GPM6A: variants seen among roughly 807,000 people sequenced by gnomAD.
GPM6A encodes neuronal membrane glycoprotein M6-a.
Under a neutral mutation model 32.1 loss-of-function variants are expected in GPM6A, and 7 were observed. The ratio of observed to expected loss-of-function variants is 0.22; its 90% CI spans 0.12 to 0.41. The LOEUF (loss-of-function observed/expected upper bound fraction) is 0.41, where lower values mean the gene tolerates loss of function less well. Among genes scored for constraint, GPM6A ranks in the 10% least tolerant of loss-of-function variants. GPM6A has a pLI of 1.00. For missense variants in GPM6A, 235 were observed against 347.2 expected, an observed-to-expected ratio of 0.68 and a Z score of 2.57; for synonymous variants, 130 against 123.4, an observed-to-expected ratio of 1.05 and a Z score of -0.35.
intron 1 of GPM6A, among the ~76,000 whole-genome samples, chr4:175,912,847 A>G (rs1053554773): frequency 6.6e-6 from 1 of 152,216 alleles, no homozygotes; most frequent in African/African-American, 2.4e-5. Context: ...AGGCAAGAGC[A>G]TAATACCTGT....
chr4:175,812,068 AG>A, intron 1 of GPM6A, 122 bp downstream of exon 1: 1 of 699,276 alleles, frequency 1.4e-6, no homozygotes, highest in Non-Finnish European at 2.4e-6. Context: ...ACTAAAGGAG[AG>A]GAAGGAACAA....
intron 1 of GPM6A, among the ~76,000 whole-genome samples, chr4:175,742,361 A>G (rs958861444): frequency 6.6e-5 from 10 of 152,158 alleles, no homozygotes; most frequent in Admixed American, 6.6e-5. Flanking sequence ...TAAAATATAA[A>G]CTAATTACCC....
intron 1 of GPM6A, among the ~76,000 whole-genome samples, chr4:175,927,828 T>C (rs1440529839): frequency 2.0e-5 from 3 of 152,156 alleles, no homozygotes; most frequent in African/African-American, 7.2e-5. Flanking sequence ...GAGGTTGCAA[T>C]GAGCTGAGAT....
At chr4:175,878,175 C>G (rs1251555959) in intron 1 of GPM6A, among the ~76,000 whole-genome samples, 1 of 152,170 alleles carries the variant, frequency 6.6e-6, no homozygotes, top group African/African-American at 2.4e-5. Flanking sequence ...TTTTCATGGC[C>G]TGGTATTGAA....
chr4:175,931,698 A>ACG lies in GPM6A; in HGVS notation c.-23+70610_-23+70611insCG, dbSNP rs1458046641. Among the ~76,000 whole-genome samples the ACG allele has an allele frequency of 1.3e-3, 191 of 149,108 alleles. 2 individuals carry two copies. Among genetic ancestry groups the ACG allele is most frequent in the African/African-American group, 4.4e-3 (177 of 40,260 alleles). On this transcript the variant is annotated intron_variant, in intron 1 of 7. Coordinates refer to the GPM6A transcript ENST00000280187. ...CACACACACACACACACACACACAC[A>ACG]CACACACACACATATATATATATAT...
intron 1 of GPM6A, among the ~76,000 whole-genome samples, chr4:175,972,172 A>T (rs919722179): frequency 4.6e-5 from 7 of 152,208 alleles, no homozygotes; most frequent in East Asian, 1.9e-4. Context: ...AAATTTATTT[A>T]AAAAAGAAAA....
At chr4:175,681,450 C>A (rs1743683832) in intron 2 of GPM6A, among the ~76,000 whole-genome samples, 1 of 152,062 alleles carries the variant, frequency 6.6e-6, no homozygotes, top group Non-Finnish European at 1.5e-5. Context: ...CCTCTCTGCA[C>A]CCCATAATTT....
At chr4:175,735,898 A>G (rs1731640658) in intron 1 of GPM6A, among the ~76,000 whole-genome samples, 1 of 152,172 alleles carries the variant, frequency 6.6e-6, no homozygotes, top group Non-Finnish European at 1.5e-5. Flanking sequence ...TTTGGAAGAT[A>G]AATGTCATAT....
chr4:175,643,609 A>T (rs1160032699), intron 4 of GPM6A, among the ~76,000 whole-genome samples: 1 of 152,206 alleles, frequency 6.6e-6, no homozygotes, highest in Non-Finnish European at 1.5e-5. Flanking sequence ...GTAGTCAGAC[A>T]TGAGCAGAGC....
intron 1 of GPM6A, among the ~76,000 whole-genome samples, chr4:175,702,624 C>T (rs114411260): frequency 0.01 from 1,549 of 152,248 alleles, 14 homozygotes; most frequent in Middle Eastern, 0.02. Flanking sequence ...AAGAGATTCT[C>T]CTGCCTTAGC....
At chr4:175,647,385 G>T (rs751884144) in intron 4 of GPM6A, among the ~76,000 whole-genome samples, 10 of 152,126 alleles carry the variant, frequency 6.6e-5, no homozygotes, top group Admixed American at 5.2e-4. Context: ...GAGGATAACA[G>T]AAATCATAAT....
intron 1 of GPM6A, among the ~76,000 whole-genome samples, chr4:175,958,459 TG>T (rs1394698520): frequency 2.0e-5 from 3 of 152,210 alleles, no homozygotes; most frequent in Admixed American, 1.3e-4. Flanking sequence ...CCACTACCCT[TG>T]AGAACCATAA....
At chr4:175,867,896 T>G (rs1736790636) in intron 1 of GPM6A, among the ~76,000 whole-genome samples, 1 of 152,184 alleles carries the variant, frequency 6.6e-6, no homozygotes, top group Non-Finnish European at 1.5e-5. Flanking sequence ...AGTTTCTCCT[T>G]AGGAAATATC....
chr4:175,784,969 C>T (rs1483088296), intron 1 of GPM6A, among the ~76,000 whole-genome samples: 1 of 152,158 alleles, frequency 6.6e-6, no homozygotes, highest in East Asian at 1.9e-4. Flanking sequence ...GATCTCAATT[C>T]ATCCCCTTTC....
Position 175,745,822 on chromosome 4 carries a change from G to C in GPM6A, c.38-44055C>G, listed in dbSNP as rs573575435. 9.2e-5 allele frequency among the ~76,000 whole-genome samples: 14 copies of C among 152,274 alleles called. 1 individual carries two copies. In the South Asian group the frequency reaches 2.5e-3, roughly 27 times the overall value. ...AAAATGTTATCTGAGGCTGGAGAAGGAGATGGGGGTCAAGTTGGGAAGACT... is the reference window on the plus strand; with the variant it reads ...AAAATGTTATCTGAGGCTGGAGAAGCAGATGGGGGTCAAGTTGGGAAGACT... On this transcript the variant is annotated intron_variant, in intron 1 of 6. Coordinates refer to ENST00000393658, the MANE Select transcript of GPM6A (RefSeq NM_201591.3).
At chr4:175,686,168 G>T (rs1391449851) in intron 2 of GPM6A, among the ~76,000 whole-genome samples, 1 of 152,096 alleles carries the variant, frequency 6.6e-6, no homozygotes, top group Non-Finnish European at 1.5e-5. Flanking sequence ...GTTGTCACAG[G>T]CAGCAATTAT....
At chr4:175,993,611 T>C (rs1246227382) in intron 1 of GPM6A, among the ~76,000 whole-genome samples, 1 of 152,212 alleles carries the variant, frequency 6.6e-6, no homozygotes, top group Non-Finnish European at 1.5e-5. Context: ...CAATATTAAA[T>C]ACATTATACT....
chr4:175,789,544 T>C (rs1464574545), intron 1 of GPM6A, among the ~76,000 whole-genome samples: 2 of 152,152 alleles, frequency 1.3e-5, no homozygotes, highest in Non-Finnish European at 2.9e-5. Context: ...CTAGGCTAAA[T>C]GTCTTCTGAG....
At chr4:175,992,336 A>G (rs1351971655) in intron 1 of GPM6A, among the ~76,000 whole-genome samples, 1 of 152,160 alleles carries the variant, frequency 6.6e-6, no homozygotes, top group Non-Finnish European at 1.5e-5. Context: ...AAAAATATCT[A>G]AAGACTTGAA....
Sources: gnomAD v4.1 joint callset for allele counts (sites outside exome capture counted in the v4.1 genomes callset) on GRCh38, gnomAD v4.1.1 for gene constraint, MANE v1.5 for transcripts, NCBI Gene and HGNC (gene_info 2026-07-23, HGNC 2026-07-21) for gene names.